THSD4: variants seen among roughly 807,000 people sequenced by gnomAD.
The protein encoded by THSD4 is thrombospondin type 1 domain containing 4.
THSD4 carries 69 observed loss-of-function variants against 119.0 expected under a neutral mutation model. That is an observed-to-expected ratio of 0.58 (90% CI 0.48 to 0.71). THSD4 has a LOEUF of 0.71. Among genes scored for constraint, THSD4 ranks in the 30% least tolerant of loss-of-function variants. The pLI is 0.00. For missense variants in THSD4, 1,393 were observed against 1,391.1 expected (o/e 1.00, Z -0.02); for synonymous variants, 524 against 540.4 (o/e 0.97, Z 0.42).
intron 7 of THSD4, among the ~76,000 whole-genome samples, chr15:71,631,911 G>A (rs895594390): frequency 7.2e-5 from 11 of 152,212 alleles, no homozygotes; most frequent in African/African-American, 2.4e-4. Flanking sequence ...CCTGTAGCAC[G>A]GAAATTAGGA....
At chr15:71,499,531 TAAC>T (rs2048079756) in intron 7 of THSD4, among the ~76,000 whole-genome samples, 1 of 151,706 alleles carries the variant, frequency 6.6e-6, no homozygotes, top group African/African-American at 2.4e-5. Context: ...TTGACCATCT[TAAC>T]AATTTTTAAG....
intron 8 of THSD4, among the ~76,000 whole-genome samples, chr15:71,704,334 G>C (rs1233099799): frequency 6.6e-6 from 1 of 152,202 alleles, no homozygotes; most frequent in African/African-American, 2.4e-5. Context: ...ATTCCCACAT[G>C]TCGTGGGAGG....
At chr15:71,110,751 G>GT (rs1817336529), upstream of THSD4, 1 of 196,836 alleles carries the variant, frequency 5.1e-6, no homozygotes, top group African/African-American at 2.3e-5. Flanking sequence ...TTGCAAAGGT[G>GT]TTTCCTTCTG....
intron 7 of THSD4, among the ~76,000 whole-genome samples, chr15:71,514,715 C>T (rs2048332020): frequency 6.6e-6 from 1 of 151,928 alleles, no homozygotes; most frequent in African/African-American, 2.4e-5. Flanking sequence ...TCTTATTATC[C>T]CGTGATAATC....
chr15:71,377,890 A>ACC (rs1566961428), intron 6 of THSD4, among the ~76,000 whole-genome samples: 7 of 87,552 alleles, frequency 8.0e-5, no homozygotes, highest in East Asian at 5.2e-4. Context: ...ACACACACAC[A>ACC]CACACACACA....
chr15:71,280,571 G>C (rs1306817062), intron 6 of THSD4, among the ~76,000 whole-genome samples: 5 of 152,022 alleles, frequency 3.3e-5, no homozygotes, highest in Admixed American at 6.6e-5. Context: ...CAAATTCCTT[G>C]TTCATTCTTT....
intron 7 of THSD4, among the ~76,000 whole-genome samples, chr15:71,426,191 C>T (rs113651322): frequency 7.9e-5 from 12 of 152,326 alleles, no homozygotes; most frequent in African/African-American, 2.9e-4. Flanking sequence ...CACCTCTTCC[C>T]CCAGCTGGGA....
chr15:71,414,604 A>G (rs1163245258), intron 7 of THSD4, among the ~76,000 whole-genome samples: 2 of 152,228 alleles, frequency 1.3e-5, no homozygotes, highest in Non-Finnish European at 2.9e-5. Flanking sequence ...CGGAAGGAAT[A>G]TGAAATGTGG....
At chr15:71,594,368 C>T (rs2049867889) in intron 7 of THSD4, among the ~76,000 whole-genome samples, 1 of 152,118 alleles carries the variant, frequency 6.6e-6, no homozygotes, top group African/African-American at 2.4e-5. Flanking sequence ...GCCACCACGA[C>T]TGGCTAATTT....
chr15:71,629,624 C>T (rs542527612), intron 7 of THSD4, among the ~76,000 whole-genome samples: 1 of 152,112 alleles, frequency 6.6e-6, no homozygotes, highest in African/African-American at 2.4e-5. Flanking sequence ...GATGCTCAGG[C>T]CCCCTGGTTG....
chr15:71,655,493 C>G (rs934681958), intron 7 of THSD4, among the ~76,000 whole-genome samples: 5 of 152,152 alleles, frequency 3.3e-5, no homozygotes, highest in Admixed American at 6.6e-5. Context: ...GAATAGACTT[C>G]AGACAAAATA....
At chr15:71,703,558 G>A (rs1056905665) in intron 8 of THSD4, among the ~76,000 whole-genome samples, 8 of 152,164 alleles carry the variant, frequency 5.3e-5, no homozygotes, top group Admixed American at 4.6e-4. Context: ...AAAGAGAGGG[G>A]ACAGGGTCTT....
intron 6 of THSD4, among the ~76,000 whole-genome samples, chr15:71,301,194 C>G (rs1232745747): frequency 6.6e-6 from 1 of 152,170 alleles, no homozygotes; most frequent in Non-Finnish European, 1.5e-5. Flanking sequence ...AGTTTCACCA[C>G]TCAGAAATAA....
At chr15:71,606,820 G>C (rs576797788) in intron 7 of THSD4, among the ~76,000 whole-genome samples, 1 of 152,174 alleles carries the variant, frequency 6.6e-6, no homozygotes, top group Non-Finnish European at 1.5e-5. Flanking sequence ...GATTACAGGC[G>C]TGAGCCACCA....
At chr15:71,327,233 T>A in intron 6 of THSD4, among the ~76,000 whole-genome samples, 1 of 152,134 alleles carries the variant, frequency 6.6e-6, no homozygotes, top group East Asian at 1.9e-4. Context: ...TTCTTTTAAT[T>A]GTTCATGGTG....
intron 2 of THSD4, among the ~76,000 whole-genome samples, chr15:71,146,786 G>A (rs921157848): frequency 6.6e-6 from 1 of 152,102 alleles, no homozygotes; most frequent in African/African-American, 2.4e-5. Flanking sequence ...ATAGATTTTT[G>A]GAGGACTGCC....
intron 4 of THSD4, among the ~76,000 whole-genome samples, chr15:71,217,673 C>A (rs546355716): frequency 2.0e-5 from 3 of 151,206 alleles, no homozygotes; most frequent in Non-Finnish European, 2.9e-5. Flanking sequence ...TGTCACCAAA[C>A]TGACAAAAGC....
intron 6 of THSD4, among the ~76,000 whole-genome samples, chr15:71,386,324 A>G (rs900433218): frequency 2.0e-5 from 3 of 152,228 alleles, no homozygotes; most frequent in Non-Finnish European, 4.4e-5. Context: ...CAAGGAGGAC[A>G]GGTAAGCAAT....
intron 3 of THSD4, among the ~76,000 whole-genome samples, chr15:71,164,395 T>A (rs1596234135): frequency 7.1e-6 from 1 of 140,670 alleles, no homozygotes; most frequent in South Asian, 2.3e-4. Context: ...AATTACAGAG[T>A]GGTATTCAGT....
Sources: allele counts gnomAD v4.1 joint callset (sites outside exome capture counted in the v4.1 genomes callset), GRCh38; gene constraint gnomAD v4.1.1; transcripts MANE v1.5; gene names NCBI Gene and HGNC (gene_info 2026-07-23, HGNC 2026-07-21).